Variants in FMN1 observed in about 807,000 individuals in gnomAD.
FMN1 encodes formin-1.
FMN1 carries 110 observed loss-of-function variants against 132.4 expected under a neutral mutation model. The ratio of observed to expected loss-of-function variants is 0.83; its 90% CI spans 0.71 to 0.97. The LOEUF is 0.97. Among genes scored for constraint, FMN1 ranks in the 50% least tolerant of loss-of-function variants. The probability of loss-of-function intolerance (pLI) is 0.00; values close to 1 mark genes in which losing one functional copy is unlikely to be tolerated. For missense variants in FMN1, 1,792 were observed against 1,705.3 expected, an observed-to-expected ratio of 1.05 and a Z score of -0.90; for synonymous variants, 722 against 651.7, an observed-to-expected ratio of 1.11 and a Z score of -1.64.
chr15:33,024,624 G>A (rs1338489294), intron 6 of FMN1, among the ~76,000 whole-genome samples: 6 of 152,098 alleles, frequency 3.9e-5, no homozygotes, highest in Non-Finnish European at 1.5e-5. Context: ...TTGTTGATGG[G>A]AGCATTAACT....
chr15:33,165,601 C>G (rs1305555051), intron 3 of FMN1, among the ~76,000 whole-genome samples: 2 of 152,136 alleles, frequency 1.3e-5, no homozygotes, highest in African/African-American at 2.4e-5. Context: ...CTGTGTTAGC[C>G]AGGATGGTCT....
chr15:32,996,515 G>A (rs1330947245), intron 7 of FMN1, among the ~76,000 whole-genome samples: 1 of 152,166 alleles, frequency 6.6e-6, no homozygotes, highest in East Asian at 1.9e-4. Context: ...ACTAGGCAAG[G>A]ACCTTTAAGA....
chr15:33,070,837 G>A (rs1189907003), intron 5 of FMN1, among the ~76,000 whole-genome samples: 1 of 152,162 alleles, frequency 6.6e-6, no homozygotes, highest in African/African-American at 2.4e-5. Flanking sequence ...ACTTAATACA[G>A]ATAACAACCA....
intron 3 of FMN1, among the ~76,000 whole-genome samples, chr15:33,163,259 T>A (rs933990447): frequency 3.9e-5 from 6 of 151,996 alleles, no homozygotes; most frequent in African/African-American, 1.4e-4. Context: ...TAATAACCTG[T>A]ACCGGTATTT....
intron 6 of FMN1, chr15:33,062,601 G>A (rs4779604): frequency 0.31 from 47,815 of 151,916 alleles, 8,013 homozygotes; most frequent in Admixed American, 0.37. Flanking sequence ...CAGCCTGGGC[G>A]ACAGAGTGAG....
chr15:32,998,569 T>C (rs1421729790), intron 7 of FMN1, among the ~76,000 whole-genome samples: 1 of 152,186 alleles, frequency 6.6e-6, no homozygotes, highest in South Asian at 2.1e-4. Context: ...GCAGGACAAG[T>C]CTGGAGAGAA....
intron 17 of FMN1, among the ~76,000 whole-genome samples, chr15:32,828,837 CG>C (rs2058434821): frequency 6.6e-6 from 1 of 152,132 alleles, no homozygotes; most frequent in African/African-American, 2.4e-5. Flanking sequence ...CAAAGGAACA[CG>C]TTAGTAGTTT....
At chr15:33,100,935 A>G (rs543320055) in intron 4 of FMN1, among the ~76,000 whole-genome samples, 2 of 152,334 alleles carry the variant, frequency 1.3e-5, no homozygotes, top group South Asian at 4.1e-4. Flanking sequence ...AATGTTCACA[A>G]TATGACATCA....
intron 7 of FMN1, among the ~76,000 whole-genome samples, chr15:33,001,269 G>A (rs868791260): frequency 2.0e-5 from 3 of 151,924 alleles, no homozygotes; most frequent in African/African-American, 7.3e-5. Context: ...GGTAACAAGA[G>A]TAAGACTCCG....
chr15:33,098,695 G>GT (rs1446637195), intron 4 of FMN1, among the ~76,000 whole-genome samples: 2 of 152,326 alleles, frequency 1.3e-5, no homozygotes, highest in African/African-American at 2.4e-5. Flanking sequence ...AGGTAAAAGA[G>GT]TAACAGGAGG....
At chr15:33,181,930 G>A (rs1016446400) in intron 2 of FMN1, among the ~76,000 whole-genome samples, 14 of 151,882 alleles carry the variant, frequency 9.2e-5, no homozygotes, top group African/African-American at 3.4e-4. Context: ...GGCTGCTCTC[G>A]AACTCCTGAC....
chr15:32,954,620 C>T (rs1399454965), intron 9 of FMN1, among the ~76,000 whole-genome samples: 2 of 152,170 alleles, frequency 1.3e-5, no homozygotes, highest in Non-Finnish European at 2.9e-5. Flanking sequence ...TTTCACTATA[C>T]AATGACCAAA....
At chr15:32,845,901 A>G (rs558106308) in intron 17 of FMN1, among the ~76,000 whole-genome samples, 52 of 152,208 alleles carry the variant, frequency 3.4e-4, no homozygotes, top group African/African-American at 1.3e-3. Context: ...TATGTTATCT[A>G]ATTTCATCTT....
chr15:33,090,490 C>T (rs1341496870), intron 4 of FMN1, among the ~76,000 whole-genome samples: 1 of 152,090 alleles, frequency 6.6e-6, no homozygotes, highest in Non-Finnish European at 1.5e-5. Context: ...TATAGTTGCC[C>T]TCTAGCAGGC....
At position 32,908,507 on chromosome 15, in the gene FMN1, C is replaced by G. The variant is rs545326062; in HGVS notation, c.3360G>C (p.Leu1120=). 1 of 1,610,138 alleles carries G rather than the reference C, an allele frequency of 6.2e-7. No individual in the cohort carries two copies. The highest frequency in any genetic ancestry group is 2.2e-5 in the East Asian group (1 of 44,766). Residue 1120 remains leucine (L), a synonymous_variant, in exon 12 of 21, where the codon CTG becomes CTC. Coordinates refer to ENST00000616417, the MANE Select transcript of FMN1 (RefSeq NM_001277313.2). Reference sequence around the variant, plus strand: ...ATCCTTACTGCTCAGGTTTATCCAGCAGCTTCAGTTCTTCTTCTTTGGATG... The same window carrying G: ...ATCCTTACTGCTCAGGTTTATCCAGGAGCTTCAGTTCTTCTTCTTTGGATG... The part of the protein sequence containing the change: ...YETSKEEELK[L]LDKPEQFLHE...
chr15:33,185,442 T>G (rs1359493840), intron 2 of FMN1, among the ~76,000 whole-genome samples: 1 of 152,072 alleles, frequency 6.6e-6, no homozygotes, highest in Non-Finnish European at 1.5e-5. Flanking sequence ...AAACACTGCC[T>G]GTGAAAATTT....
intron 6 of FMN1, among the ~76,000 whole-genome samples, chr15:33,019,303 G>C (rs1210165391): frequency 6.6e-6 from 1 of 152,146 alleles, no homozygotes; most frequent in South Asian, 2.1e-4. Flanking sequence ...ACAGAGTGCT[G>C]ATTGGTGCAT....
Position 32,770,491 on chromosome 15 carries a change from G to A in FMN1, c.*3819C>T, listed in dbSNP as rs1275940622. The A allele has an allele frequency of 6.6e-6, 1 of 152,152 alleles. No homozygotes were observed. The highest frequency in any genetic ancestry group is 1.5e-5 in the Non-Finnish European group (1 of 68,028). 9.4% of individuals were successfully genotyped at this position (152,152 alleles called of 1,614,324 possible). ...ATTTCTTCTGCTACATCTCACTGCG[G>A]CCCTTAGAAAAACCGTACCAATGAC... On this transcript the variant is annotated 3_prime_UTR_variant, in exon 21 of 21. Coordinates refer to ENST00000616417, the MANE Select transcript of FMN1 (RefSeq NM_001277313.2).
intron 3 of FMN1, among the ~76,000 whole-genome samples, chr15:33,172,622 G>A (rs147702734): frequency 7.2e-5 from 11 of 152,246 alleles, no homozygotes; most frequent in African/African-American, 1.4e-4. Context: ...CTTTAACCCC[G>A]GCAATGTAAC....
Sources: allele counts gnomAD v4.1 joint callset (sites outside exome capture counted in the v4.1 genomes callset), GRCh38; gene constraint gnomAD v4.1.1; transcripts MANE v1.5; gene names NCBI Gene and HGNC (gene_info 2026-07-23, HGNC 2026-07-21).